Variants in MAP3K7 observed in about 807,000 individuals in gnomAD.
MAP3K7 encodes TGF-beta activated kinase 1.
A neutral mutation model predicts 84.8 loss-of-function variants in MAP3K7; 21 were observed. The observed-to-expected ratio is 0.25, with a 90% CI of 0.18 to 0.36. MAP3K7 has a LOEUF of 0.36. Among genes scored for constraint, MAP3K7 ranks in the 10% least tolerant of loss-of-function variants. The pLI is 1.00. For missense variants in MAP3K7, 503 were observed against 747.7 expected, an observed-to-expected ratio of 0.67 and a Z score of 3.82; for synonymous variants, 241 against 247.7, an observed-to-expected ratio of 0.97 and a Z score of 0.25.
At chr6:90,565,128 C>T (rs890473893) in intron 3 of MAP3K7, among the ~76,000 whole-genome samples, 3 of 152,034 alleles carry the variant, frequency 2.0e-5, no homozygotes, top group Non-Finnish European at 2.9e-5. Flanking sequence ...AATTGACACC[C>T]TAACATCACA....
intron 2 of MAP3K7, among the ~76,000 whole-genome samples, chr6:90,569,067 G>A (rs157430): frequency 0.071 from 10,742 of 152,076 alleles, 1,307 homozygotes; most frequent in African/African-American, 0.24. Context: ...GCTACTCTGC[G>A]TGGGGCCCTA....
At chr6:90,539,988 G>A (rs191814778) in intron 12 of MAP3K7, among the ~76,000 whole-genome samples, 91 of 152,016 alleles carry the variant, frequency 6.0e-4, no homozygotes, top group Middle Eastern at 3.4e-3. Flanking sequence ...GCGAATACGC[G>A]TTTTTTATTC....
At chr6:90,554,800 G>A (rs1391784885) in intron 6 of MAP3K7, among the ~76,000 whole-genome samples, 1 of 152,166 alleles carries the variant, frequency 6.6e-6, no homozygotes, top group African/African-American at 2.4e-5. Context: ...AATGTCAAAT[G>A]TATACATTCT....
At chr6:90,556,984 A>C (rs1397472465) in intron 5 of MAP3K7, among the ~76,000 whole-genome samples, 2 of 152,216 alleles carry the variant, frequency 1.3e-5, no homozygotes, top group Non-Finnish European at 2.9e-5. Context: ...ATGGGAGTTT[A>C]ATCATAAATA....
intron 1 of MAP3K7, among the ~76,000 whole-genome samples, chr6:90,585,865 T>C (rs1777428824): frequency 6.6e-6 from 1 of 152,220 alleles, no homozygotes; most frequent in African/African-American, 2.4e-5. Context: ...TTACTTATGG[T>C]GAAATTCACC....
chr6:90,555,930 A>G (rs1285157978), intron 6 of MAP3K7, among the ~76,000 whole-genome samples: 1 of 152,252 alleles, frequency 6.6e-6, no homozygotes, highest in Non-Finnish European at 1.5e-5. Context: ...CTGTTAAGAT[A>G]CATCATAGCC....
chr6:90,577,310 GTT>G (rs1202725726), intron 1 of MAP3K7, among the ~76,000 whole-genome samples: 1 of 152,182 alleles, frequency 6.6e-6, no homozygotes, highest in Non-Finnish European at 1.5e-5. Context: ...ATAACTCAGA[GTT>G]TGGTTTTAGT....
At position 90,552,092 on chromosome 6, in the gene MAP3K7, G is replaced by C. The variant is rs750338877; in HGVS notation, c.824C>G (p.Pro275Arg). 10 of 1,612,040 alleles carry C rather than the reference G, an allele frequency of 6.2e-6. No homozygotes were observed. The highest frequency in any genetic ancestry group is 8.5e-6 in the Non-Finnish European group (10 of 1,178,598). The change falls in exon 8 of 17, where the codon CCT (proline) becomes CGT (arginine). Residue 275 changes from proline (P) to arginine (R), a missense_variant. Around this residue, in one of 5 missense-constraint regions of MAP3K7, gnomAD observed 286 missense variants for 313.6 expected, o/e 0.91. Transcript: ENST00000369329. ...TATTTTCACAATTTCCTCCATTGAA[G>C]GGCGCTGGGAAGGATCTTTAGACCA... ...RCWSKDPSQR[P>R]SMEEIVKIMT...
At chr6:90,537,705 A>G (rs1420394028) in intron 12 of MAP3K7, among the ~76,000 whole-genome samples, 2 of 151,866 alleles carry the variant, frequency 1.3e-5, no homozygotes, top group African/African-American at 4.8e-5. Flanking sequence ...AAACAACAAA[A>G]CTGTGCATTT....
intron 3 of MAP3K7, among the ~76,000 whole-genome samples, chr6:90,565,724 T>G (rs1229048899): frequency 6.6e-6 from 1 of 152,192 alleles, no homozygotes; most frequent in Non-Finnish European, 1.5e-5. Context: ...GAGGCCAGCA[T>G]CATTCTGATA....
intron 5 of MAP3K7, among the ~76,000 whole-genome samples, chr6:90,558,888 A>AG: frequency 6.6e-6 from 1 of 152,348 alleles, no homozygotes; most frequent in African/African-American, 2.4e-5. Context: ...AGACTCTTTT[A>AG]GGAAAAGAAT....
chr6:90,518,317 C>T (rs758353656), intron 16 of MAP3K7, 130 bp downstream of exon 16: 35 of 582,568 alleles, frequency 6.0e-5, no homozygotes, highest in Non-Finnish European at 9.5e-5. Context: ...TAAAAGGGTG[C>T]TTAAAGCTTA....
Position 90,515,912 on chromosome 6 carries a change from A to C in MAP3K7, c.*589T>G, listed in dbSNP as rs1774943406. The C allele has an allele frequency of 6.6e-6, 1 of 152,410 alleles. No homozygotes were observed. Among genetic ancestry groups the C allele is most frequent in the Non-Finnish European group, 1.5e-5 (1 of 67,936 alleles). 9.4% of individuals were successfully genotyped at this position (152,410 alleles called of 1,614,324 possible). A position where few individuals can be genotyped will look rare whatever the true frequency, so the allele number is the denominator to read the frequency against. On this transcript the variant is annotated 3_prime_UTR_variant, in exon 17 of 17. Transcript: ENST00000369329. Reference sequence around the variant, plus strand: ...AATAGAGCAGCTGCCACTTACCTTTACATATTTTACGGATGGAACTGAGTT... The same window carrying C: ...AATAGAGCAGCTGCCACTTACCTTTCCATATTTTACGGATGGAACTGAGTT...
At chr6:90,573,234 A>T (rs1228576859) in intron 1 of MAP3K7, among the ~76,000 whole-genome samples, 1 of 152,214 alleles carries the variant, frequency 6.6e-6, no homozygotes, top group Non-Finnish European at 1.5e-5. Flanking sequence ...AATTTGTAAC[A>T]TATATAAAGC....
rs1775426677 is a variant in MAP3K7 at position 90,529,397 on chromosome 6, A to G, written c.1357-5614T>C. 2.0e-5 allele frequency among the ~76,000 whole-genome samples: 3 copies of G among 152,298 alleles called. No homozygotes were observed. In the South Asian group the frequency reaches 6.2e-4, roughly 32 times the overall value. On this transcript the variant is annotated intron_variant, in intron 13 of 16. Coordinates refer to ENST00000369329, the MANE Select transcript of MAP3K7 (RefSeq NM_145331.3). The stretch of plus-strand genomic sequence containing the variant: ...TCTAATACTTTGGAGACCTGGGGTT[A>G]TGTCTCCATTCTGCCACTTACAGCT...
intron 6 of MAP3K7, among the ~76,000 whole-genome samples, chr6:90,555,579 T>G (rs777704479): frequency 1.3e-5 from 2 of 152,152 alleles, no homozygotes; most frequent in Non-Finnish European, 2.9e-5. Context: ...TAAGGCATCC[T>G]CATTTAAACT....
chr6:90,521,267 TG>T (rs1775142138), intron 14 of MAP3K7, among the ~76,000 whole-genome samples: 1 of 150,040 alleles, frequency 6.7e-6, no homozygotes, highest in Non-Finnish European at 1.5e-5. Context: ...CGTGTGTGTG[TG>T]TGTGTGTGTG....
At chr6:90,571,618 A>G in intron 2 of MAP3K7, 79 bp downstream of exon 2, 2 of 803,868 alleles carry the variant, frequency 2.5e-6, no homozygotes, top group East Asian at 3.0e-5. Flanking sequence ...CATCTGAGAA[A>G]CCAATCTTTT....
At chr6:90,516,990 G>C (rs1000792831) in intron 16 of MAP3K7, among the ~76,000 whole-genome samples, 3 of 151,790 alleles carry the variant, frequency 2.0e-5, no homozygotes, top group African/African-American at 7.2e-5. Flanking sequence ...ATGAAAAAAG[G>C]CTGGGAAGGG....
Sources: gnomAD v4.1 joint callset for allele counts (sites outside exome capture counted in the v4.1 genomes callset) on GRCh38, gnomAD v4.1.1 for gene constraint, gnomAD v4.1.1 regional missense constraint, MANE v1.5 for transcripts, NCBI Gene and HGNC (gene_info 2026-07-23, HGNC 2026-07-21) for gene names.